Variants in ELMO1 observed in about 807,000 individuals in gnomAD.
ELMO1 encodes engulfment and cell motility protein 1.
A neutral mutation model predicts 98.9 loss-of-function variants in ELMO1; 26 were observed. The ratio of observed to expected loss-of-function variants is 0.26; its 90% CI spans 0.19 to 0.36. ELMO1 has a LOEUF of 0.36. Ranked by LOEUF, ELMO1 falls within the 10% of genes least tolerant of loss-of-function variation. The pLI, the probability that ELMO1 is intolerant of heterozygous loss-of-function variation, is 1.00. For missense variants in ELMO1, 627 were observed against 935.2 expected, an observed-to-expected ratio of 0.67 and a Z score of 4.30; for synonymous variants, 346 against 346.0, an observed-to-expected ratio of 1.00 and a Z score of 0.00.
rs1008000603 is a variant in ELMO1, at chr7:37,342,878, T to C, written c.-73-115A>G. On this transcript the variant is annotated intron_variant, in intron 1 of 21. Transcript: ENST00000310758. The surrounding 1 kb of genome is among the most constrained non-coding windows in gnomAD (Gnocchi z 4.3). ...GTTTGGTATGAAAAACGGCTCCCCT[T>C]GGTGCCTGGGTGCTGAAGGTGCAGG... is the stretch of plus-strand genomic sequence containing the variant. 6 of 558,994 alleles carry C rather than the reference T, an allele frequency of 1.1e-5. No individual in the cohort carries two copies. The South Asian group carries it at 1.4e-4, about 13-fold the overall frequency. 34.6% of individuals were successfully genotyped at this position (558,994 alleles called of 1,614,324 possible).
chr7:37,398,684 T>C (rs1028682092), intron 1 of ELMO1, among the ~76,000 whole-genome samples: 4 of 152,094 alleles, frequency 2.6e-5, no homozygotes, highest in Non-Finnish European at 5.9e-5. Context: ...TATCGTCTCA[T>C]CCTAAGTTTT....
chr7:37,199,186 T>C (rs1253519951), intron 13 of ELMO1, among the ~76,000 whole-genome samples: 1 of 152,176 alleles, frequency 6.6e-6, no homozygotes, highest in Non-Finnish European at 1.5e-5. Flanking sequence ...TCAATAACCA[T>C]TCCTGAGAAA....
intron 13 of ELMO1, among the ~76,000 whole-genome samples, chr7:37,145,780 G>A (rs1787942705): frequency 6.6e-6 from 1 of 152,170 alleles, no homozygotes; most frequent in South Asian, 2.1e-4. Flanking sequence ...AACAAATACA[G>A]CATTAAAAGC....
At chr7:37,016,403 T>C (rs998432894) in intron 15 of ELMO1, among the ~76,000 whole-genome samples, 1 of 152,168 alleles carries the variant, frequency 6.6e-6, no homozygotes, top group Non-Finnish European at 1.5e-5. Context: ...ACACCTTCCA[T>C]CATGAGCTTT....
intron 15 of ELMO1, among the ~76,000 whole-genome samples, chr7:37,014,415 G>A (rs951345480): frequency 6.6e-6 from 1 of 151,878 alleles, no homozygotes; most frequent in East Asian, 1.9e-4. Flanking sequence ...TATTTTATTT[G>A]GAATCTCTTT....
chr7:37,430,025 C>T (rs1017853504), intron 1 of ELMO1, among the ~76,000 whole-genome samples: 1 of 152,222 alleles, frequency 6.6e-6, no homozygotes, highest in Non-Finnish European at 1.5e-5. Context: ...TGGGATCCAT[C>T]AATCACACCT....
chr7:37,100,466 A>G (rs1409376991), intron 14 of ELMO1, among the ~76,000 whole-genome samples: 1 of 151,928 alleles, frequency 6.6e-6, no homozygotes, highest in Non-Finnish European at 1.5e-5. Flanking sequence ...GGCCACCCTC[A>G]CTCAAATATG....
intron 2 of ELMO1, among the ~76,000 whole-genome samples, chr7:37,330,875 A>G (rs574604988): frequency 9.2e-5 from 14 of 152,282 alleles, no homozygotes; most frequent in South Asian, 2.1e-4. Context: ...TTATTAAGTA[A>G]AATAAGGGCC....
At chr7:37,433,041 G>A (rs889289876) in intron 1 of ELMO1, among the ~76,000 whole-genome samples, 1 of 152,146 alleles carries the variant, frequency 6.6e-6, no homozygotes, top group Non-Finnish European at 1.5e-5. Flanking sequence ...TGCCTCCTAG[G>A]GTTAGGGCAT....
chr7:37,017,412 GACA>G (rs1794003223), intron 15 of ELMO1, among the ~76,000 whole-genome samples: 1 of 152,186 alleles, frequency 6.6e-6, no homozygotes, highest in African/African-American at 2.4e-5. Flanking sequence ...TTTTGTTCAT[GACA>G]ACAATGTGCC....
intron 13 of ELMO1, among the ~76,000 whole-genome samples, chr7:37,210,915 T>C (rs1444180088): frequency 6.6e-6 from 1 of 152,204 alleles, no homozygotes. Flanking sequence ...TTAGCATTCA[T>C]AGCAAGAGAG....
intron 14 of ELMO1, among the ~76,000 whole-genome samples, chr7:37,131,719 A>C (rs1056655685): frequency 1.3e-5 from 2 of 152,198 alleles, no homozygotes; most frequent in Admixed American, 1.3e-4. Flanking sequence ...TTTATGGAAA[A>C]ACAATTTTCT....
chr7:36,926,505 A>T (rs73115370), intron 16 of ELMO1, among the ~76,000 whole-genome samples: 1 of 151,736 alleles, frequency 6.6e-6, no homozygotes, highest in Non-Finnish European at 1.5e-5. Flanking sequence ...GACCCCCCCA[A>T]CTGAGGTTGG....
chr7:37,302,160 T>TA (rs1322802364), intron 4 of ELMO1, among the ~76,000 whole-genome samples: 1 of 152,160 alleles, frequency 6.6e-6, no homozygotes, highest in East Asian at 1.9e-4. Context: ...CCCCTTTTTT[T>TA]AAAGACAAGA....
chr7:37,140,898 A>G (rs1219444086), intron 13 of ELMO1, among the ~76,000 whole-genome samples: 2 of 152,218 alleles, frequency 1.3e-5, no homozygotes, highest in Non-Finnish European at 2.9e-5. Context: ...GCTGGCATAG[A>G]CGCAGTGAAA....
chr7:37,147,218 G>A (rs1195751343), intron 13 of ELMO1, among the ~76,000 whole-genome samples: 1 of 152,114 alleles, frequency 6.6e-6, no homozygotes, highest in Non-Finnish European at 1.5e-5. Context: ...AGGCACAAAG[G>A]TGCCTCATGA....
At chr7:37,090,024 C>T (rs1019307800) in intron 15 of ELMO1, among the ~76,000 whole-genome samples, 7 of 152,138 alleles carry the variant, frequency 4.6e-5, no homozygotes, top group Non-Finnish European at 1.0e-4. Context: ...CTTCCAAAAA[C>T]ACTTCTACAC....
intron 3 of ELMO1, among the ~76,000 whole-genome samples, chr7:37,315,167 T>C (rs1282349834): frequency 6.6e-6 from 1 of 152,212 alleles, no homozygotes; most frequent in Non-Finnish European, 1.5e-5. Flanking sequence ...AAGCAGTTCA[T>C]CCTCAAGGCT....
At chr7:37,198,491 C>A (rs74385954) in intron 13 of ELMO1, among the ~76,000 whole-genome samples, 2 of 152,164 alleles carry the variant, frequency 1.3e-5, no homozygotes, top group East Asian at 1.9e-4. Flanking sequence ...ACGACTATAT[C>A]CAACTCACTA....
Sources: allele counts gnomAD v4.1 joint callset (sites outside exome capture counted in the v4.1 genomes callset), GRCh38; gene constraint gnomAD v4.1.1; non-coding constraint Gnocchi (gnomAD v3.1); transcripts MANE v1.5; gene names NCBI Gene and HGNC (gene_info 2026-07-23, HGNC 2026-07-21).